RORA: variants seen among roughly 807,000 people sequenced by gnomAD.
The protein encoded by RORA is RAR related orphan receptor A.
Under a neutral mutation model 69.5 loss-of-function variants are expected in RORA, and 7 were observed. The ratio of observed to expected loss-of-function variants is 0.10; its 90% CI spans 0.06 to 0.19. The LOEUF (loss-of-function observed/expected upper bound fraction) is 0.19. Ranked by LOEUF, RORA falls within the 10% of genes least tolerant of loss-of-function variation. The pLI, the probability that RORA is intolerant of heterozygous loss-of-function variation, is 1.00. For missense variants in RORA, 457 were observed against 663.0 expected (o/e 0.69, Z 3.41); for synonymous variants, 261 against 240.8 (o/e 1.08, Z -0.78).
chr15:60,540,412 T>A (rs1034081837), intron 2 of RORA, among the ~76,000 whole-genome samples: 11 of 152,188 alleles, frequency 7.2e-5, no homozygotes, highest in Admixed American at 6.5e-5. Context: ...GAAACAATCT[T>A]ACTTTAACCA....
rs78069256 is a variant in RORA at position 61,046,606 on chromosome 15, A to T, written c.166+182447T>A. 1.3e-3 allele frequency among the ~76,000 whole-genome samples: 199 copies of T among 152,310 alleles called. 2 individuals are homozygous for T. The East Asian group carries it at 0.021, about 16-fold the overall frequency. On this transcript the variant is annotated intron_variant, in intron 1 of 10. Coordinates refer to ENST00000335670, the MANE Select transcript of RORA (RefSeq NM_134261.3). ...AGGGTGATCCCCAGGTCCCTATACC[A>T]AGCAGCAAGGTGCCTCTGACAAATG...
At chr15:60,549,687 T>C (rs1002485446) in intron 2 of RORA, among the ~76,000 whole-genome samples, 4 of 152,168 alleles carry the variant, frequency 2.6e-5, no homozygotes, top group Non-Finnish European at 5.9e-5. Flanking sequence ...TCTTTTTATT[T>C]CATCCATTTT....
intron 1 of RORA, among the ~76,000 whole-genome samples, chr15:60,961,833 A>G (rs367577735): frequency 5.8e-4 from 89 of 152,356 alleles, no homozygotes; most frequent in African/African-American, 2.1e-3. Context: ...CAAAGCCCTC[A>G]TCAGGTTTAT....
At chr15:60,516,003 A>ATATATT (rs1567051290) in intron 3 of RORA, among the ~76,000 whole-genome samples, 2 of 2,884 alleles carry the variant, frequency 6.9e-4, no homozygotes, top group Admixed American at 9.6e-3. Flanking sequence ...ATATATATTT[A>ATATATT]TATATATTTA....
intron 1 of RORA, among the ~76,000 whole-genome samples, chr15:60,997,039 T>TTG (rs10687177): frequency 0.34 from 50,031 of 148,226 alleles, 8,865 homozygotes; most frequent in African/African-American, 0.47. Context: ...ATATTGGGGT[T>TTG]TGTGTGTGTG....
chr15:61,143,665 T>A (rs983448464), intron 1 of RORA, among the ~76,000 whole-genome samples: 8 of 152,166 alleles, frequency 5.3e-5, no homozygotes, highest in Non-Finnish European at 1.2e-4. Context: ...ATTTCAGATG[T>A]GGGAAAATGG....
intron 1 of RORA, among the ~76,000 whole-genome samples, chr15:60,897,673 C>T (rs147581497): frequency 7.2e-4 from 109 of 152,302 alleles, no homozygotes; most frequent in African/African-American, 2.3e-3. Flanking sequence ...TTCCCTATGA[C>T]ATGTGAATTG....
intron 1 of RORA, among the ~76,000 whole-genome samples, chr15:61,160,885 G>C (rs1021574182): frequency 6.6e-6 from 1 of 152,144 alleles, no homozygotes; most frequent in East Asian, 1.9e-4. Context: ...CCCAATGAAT[G>C]AAGGTTTCCC....
At chr15:61,045,120 T>C (rs1291320609) in intron 1 of RORA, among the ~76,000 whole-genome samples, 3 of 152,228 alleles carry the variant, frequency 2.0e-5, no homozygotes, top group Non-Finnish European at 4.4e-5. Context: ...TCTTGAATTG[T>C]AGCTCCCATA....
intron 5 of RORA, among the ~76,000 whole-genome samples, chr15:60,510,734 C>T (rs751525651): frequency 6.6e-6 from 1 of 152,144 alleles, no homozygotes; most frequent in Non-Finnish European, 1.5e-5. Flanking sequence ...ATTTTTTCCC[C>T]TCCCACAAGA....
chr15:60,632,171 TC>T (rs1315126844), intron 2 of RORA, among the ~76,000 whole-genome samples: 1 of 151,638 alleles, frequency 6.6e-6, no homozygotes, highest in African/African-American at 2.4e-5. Context: ...CAGTGGCGCA[TC>T]CTGGCTCACT....
intron 1 of RORA, among the ~76,000 whole-genome samples, chr15:60,961,706 T>C (rs1893418933): frequency 6.6e-6 from 1 of 152,208 alleles, no homozygotes. Context: ...CCGATATATG[T>C]TGTCGACCTG....
chr15:60,729,861 A>C (rs1334455770), intron 1 of RORA, among the ~76,000 whole-genome samples: 1 of 152,148 alleles, frequency 6.6e-6, no homozygotes, highest in Non-Finnish European at 1.5e-5. Context: ...GTAATATCTT[A>C]CCTCTCTGCT....
chr15:61,174,272 G>A lies in RORA; in HGVS notation c.166+54781C>T, dbSNP rs563601587. Among the ~76,000 whole-genome samples the A allele has an allele frequency of 1.8e-4, 28 of 152,258 alleles. No homozygotes were observed. In the East Asian group the frequency reaches 5.0e-3, roughly 27 times the overall value. On this transcript the variant is annotated intron_variant, in intron 1 of 10. Transcript: ENST00000335670. ...GTCCCCCCTGCCCCCACACCACCCA[G>A]CTTACATTCTGCCTTCTTCCATAGG...
At chr15:60,998,769 GTCTC>G (rs765044862) in intron 1 of RORA, among the ~76,000 whole-genome samples, 24 of 152,194 alleles carry the variant, frequency 1.6e-4, no homozygotes, top group Non-Finnish European at 3.1e-4. Context: ...GGTCCCCAGT[GTCTC>G]TCTCAGCTTG....
At chr15:60,515,991 TTATATATATTTA>T (rs1567051180) in intron 3 of RORA, among the ~76,000 whole-genome samples, 22 of 8,120 alleles carry the variant, frequency 2.7e-3, no homozygotes, top group East Asian at 0.012. Flanking sequence ...TTATATATAT[TTATATATATTTA>T]TATATATTTA....
intron 1 of RORA, among the ~76,000 whole-genome samples, chr15:61,074,341 A>C (rs2078415113): frequency 6.6e-6 from 1 of 152,232 alleles, no homozygotes; most frequent in Non-Finnish European, 1.5e-5. Flanking sequence ...AGTCATCCAT[A>C]AAGGAGTTAT....
chr15:61,099,677 G>T (rs2078849260), intron 1 of RORA, among the ~76,000 whole-genome samples: 1 of 152,166 alleles, frequency 6.6e-6, no homozygotes, highest in African/African-American at 2.4e-5. Context: ...GTTCAGCTCT[G>T]GCCATTTTTA....
intron 1 of RORA, among the ~76,000 whole-genome samples, chr15:61,016,308 G>C (rs1895285133): frequency 6.6e-6 from 1 of 152,154 alleles, no homozygotes; most frequent in South Asian, 2.1e-4. Flanking sequence ...GCAAATGCTA[G>C]CCACTAATAT....
Sources: gnomAD v4.1 joint callset for allele counts (sites outside exome capture counted in the v4.1 genomes callset) on GRCh38, gnomAD v4.1.1 for gene constraint, MANE v1.5 for transcripts, NCBI Gene and HGNC (gene_info 2026-07-23, HGNC 2026-07-21) for gene names.